The following SCN8A variants were observed in gnomAD, a reference collection of about 807,000 sequenced individuals.
The protein encoded by SCN8A is sodium voltage-gated channel alpha subunit 8.
Under a neutral mutation model 184.1 loss-of-function variants are expected in SCN8A, and 30 were observed. That is an observed-to-expected ratio of 0.16 (90% CI 0.12 to 0.22). SCN8A has a LOEUF of 0.22. SCN8A is among the 10% of genes least tolerant of loss of function. The pLI is 1.00. For missense variants in SCN8A, 1,057 were observed against 2,498.9 expected, an observed-to-expected ratio of 0.42 and a Z score of 12.30; for synonymous variants, 852 against 907.0, an observed-to-expected ratio of 0.94 and a Z score of 1.09.
intron 22 of SCN8A, 22 bp downstream of exon 22, chr12:51,786,848 G>GT (rs754895036): frequency 1.4e-5 from 23 of 1,596,866 alleles, no homozygotes; most frequent in Admixed American, 3.5e-5. Flanking sequence ...TTTTGTTTTT[G>GT]TTTTTTCAGT....
chr12:51,753,587 A>AT (rs1469432531), intron 14 of SCN8A, among the ~76,000 whole-genome samples: 1 of 152,206 alleles, frequency 6.6e-6, no homozygotes, highest in African/African-American at 2.4e-5. Flanking sequence ...GAGCGCTGAG[A>AT]TTGGCAGAAA....
At chr12:51,658,434 A>G (rs1421602319) in intron 1 of SCN8A, among the ~76,000 whole-genome samples, 1 of 152,110 alleles carries the variant, frequency 6.6e-6, no homozygotes, top group African/African-American at 2.4e-5. Context: ...ATGTATAGAA[A>G]TGCTACTGAT....
intron 1 of SCN8A, among the ~76,000 whole-genome samples, chr12:51,658,212 G>A (rs1940860073): frequency 6.6e-6 from 1 of 152,008 alleles, no homozygotes; most frequent in Admixed American, 6.6e-5. Context: ...TGGTAGTATG[G>A]TTATTTTCAC....
intron 9 of SCN8A, among the ~76,000 whole-genome samples, chr12:51,703,558 C>T (rs1398072976): frequency 1.3e-5 from 2 of 152,190 alleles, no homozygotes; most frequent in Middle Eastern, 3.2e-3. Context: ...TGGATTTGTT[C>T]AAGCAGGTTG....
intron 12 of SCN8A, among the ~76,000 whole-genome samples, chr12:51,736,231 T>C (rs374633422): frequency 6.6e-6 from 1 of 152,260 alleles, no homozygotes; most frequent in East Asian, 1.9e-4. Flanking sequence ...CCTGGGGCAT[T>C]CTCTGTTTTA....
At chr12:51,738,616 A>G (rs923045605) in intron 12 of SCN8A, among the ~76,000 whole-genome samples, 1 of 152,054 alleles carries the variant, frequency 6.6e-6, no homozygotes, top group Non-Finnish European at 1.5e-5. Context: ...ACTTTTTCCC[A>G]TTCCCACATA....
intron 16 of SCN8A, 69 bp from the exon 17 acceptor site, chr12:51,768,796 G>A (rs957648369): frequency 2.2e-6 from 3 of 1,355,522 alleles, no homozygotes; most frequent in East Asian, 4.8e-5. Context: ...TTGGCTTCCA[G>A]TTTGCAACCC....
At chr12:51,772,398 A>C in intron 19 of SCN8A, among the ~76,000 whole-genome samples, 1 of 3,674 alleles carries the variant, frequency 2.7e-4, no homozygotes, top group Admixed American at 5.7e-3. Context: ...TCCATCTCAA[A>C]AAAAAAAAAA....
At chr12:51,805,931 C>T (rs993697071) in intron 26 of SCN8A, among the ~76,000 whole-genome samples, 4 of 151,980 alleles carry the variant, frequency 2.6e-5, no homozygotes, top group East Asian at 1.9e-4. Flanking sequence ...CAGGTTCAAG[C>T]GATTCTTGTG....
chr12:51,687,299 G>T, intron 5 of SCN8A, 80 bp downstream of exon 5: 1 of 1,513,026 alleles, frequency 6.6e-7, no homozygotes, highest in Admixed American at 1.8e-5. Context: ...GTTTGTAGGT[G>T]TGCATTTGTG....
chr12:51,658,670 G>A (rs1483785736), intron 1 of SCN8A, among the ~76,000 whole-genome samples: 2 of 152,132 alleles, frequency 1.3e-5, no homozygotes, highest in African/African-American at 4.8e-5. Flanking sequence ...GGCAAAGGGT[G>A]GAGGCTGAAG....
intron 12 of SCN8A, among the ~76,000 whole-genome samples, chr12:51,744,815 G>A (rs1942484285): frequency 6.6e-6 from 1 of 152,106 alleles, no homozygotes; most frequent in Non-Finnish European, 1.5e-5. Context: ...GAACAGATGG[G>A]CTTTTTGATG....
intron 1 of SCN8A, among the ~76,000 whole-genome samples, chr12:51,608,865 G>A (rs189457292): frequency 2.0e-4 from 30 of 152,206 alleles, no homozygotes; most frequent in African/African-American, 5.5e-4. Flanking sequence ...TGATGTAGGC[G>A]TTTAGGGCCG....
At chr12:51,596,302 C>T (rs1448522327) in intron 1 of SCN8A, among the ~76,000 whole-genome samples, 1 of 152,152 alleles carries the variant, frequency 6.6e-6, no homozygotes, top group African/African-American at 2.4e-5. Flanking sequence ...CTTTCAAAAT[C>T]CTTCTATCAG....
intron 20 of SCN8A, among the ~76,000 whole-genome samples, chr12:51,775,311 G>A (rs571333039): frequency 6.6e-6 from 1 of 152,324 alleles, no homozygotes; most frequent in East Asian, 1.9e-4. Context: ...GTACCTCTGG[G>A]ATCCAGGATA....
chr12:51,772,382 C>T (rs1388500894), intron 19 of SCN8A, among the ~76,000 whole-genome samples: 1 of 116,642 alleles, frequency 8.6e-6, no homozygotes, highest in Admixed American at 9.7e-5. Context: ...GCAACAAGAG[C>T]GAAACTCCAT....
intron 1 of SCN8A, among the ~76,000 whole-genome samples, chr12:51,616,463 T>A (rs375656775): frequency 6.6e-6 from 1 of 151,876 alleles, no homozygotes; most frequent in African/African-American, 2.4e-5. Flanking sequence ...CAAAAAAAAA[T>A]TAGCCAGACA....
At chr12:51,643,080 T>C (rs1406117043) in intron 1 of SCN8A, among the ~76,000 whole-genome samples, 1 of 152,186 alleles carries the variant, frequency 6.6e-6, no homozygotes, top group Non-Finnish European at 1.5e-5. Context: ...GTAATCTTTT[T>C]TGGTCATTGA....
intron 26 of SCN8A, among the ~76,000 whole-genome samples, chr12:51,796,202 C>T (rs1055437169): frequency 3.3e-5 from 5 of 152,082 alleles, no homozygotes; most frequent in African/African-American, 1.2e-4. Flanking sequence ...TCATATAATC[C>T]TCTCAACAAA....
Sources: gnomAD v4.1 joint callset for allele counts (sites outside exome capture counted in the v4.1 genomes callset) on GRCh38, gnomAD v4.1.1 for gene constraint, MANE v1.5 for transcripts, NCBI Gene and HGNC (gene_info 2026-07-23, HGNC 2026-07-21) for gene names.